Variants in CNOT2 observed in about 807,000 individuals in gnomAD.
The protein encoded by CNOT2 is CC chemokine receptor 4-negative regulator of transcription 2.
CNOT2 carries 7 observed loss-of-function variants against 72.1 expected under a neutral mutation model. The observed-to-expected ratio is 0.10, with a 90% CI of 0.06 to 0.18. The LOEUF (loss-of-function observed/expected upper bound fraction) is 0.18, where lower values mean the gene tolerates loss of function less well. Ranked by LOEUF, CNOT2 falls within the 10% of genes least tolerant of loss-of-function variation. CNOT2 has a pLI of 1.00. For synonymous variants in CNOT2, 196 were observed against 225.6 expected (o/e 0.87, Z 1.17); for missense variants, 345 against 660.3 (o/e 0.52, Z 5.23).
intron 7 of CNOT2, 71 bp from the exon 8 acceptor site, chr12:70,335,367 A>T: frequency 8.8e-7 from 1 of 1,133,918 alleles, no homozygotes; most frequent in East Asian, 2.4e-5. Flanking sequence ...GAATTATATT[A>T]TGGTTGGTTT....
chr12:70,337,579 CAATT>C, intron 9 of CNOT2, 66 bp downstream of exon 9: 1 of 1,430,668 alleles, frequency 7.0e-7, no homozygotes, highest in Admixed American at 1.7e-5. Flanking sequence ...CTTATATTAA[CAATT>C]ACTTACTAAA....
At chr12:70,292,854 G>A (rs1340398507) in intron 2 of CNOT2, among the ~76,000 whole-genome samples, 1 of 152,210 alleles carries the variant, frequency 6.6e-6, no homozygotes, top group African/African-American at 2.4e-5. Context: ...AGTGTACATG[G>A]TGAGATGTTT....
intron 1 of CNOT2, among the ~76,000 whole-genome samples, chr12:70,248,211 T>G (rs1431215763): frequency 2.0e-5 from 3 of 152,172 alleles, no homozygotes; most frequent in Non-Finnish European, 4.4e-5. Flanking sequence ...GAAGATAGAT[T>G]CTGTTTTTCT....
At chr12:70,344,728 A>C (rs921889040) in intron 14 of CNOT2, 2 of 152,214 alleles carry the variant, frequency 1.3e-5, no homozygotes, top group African/African-American at 4.8e-5. Flanking sequence ...CCCTGTCTCT[A>C]AAAATAACTA....
chr12:70,352,738 A>G (rs1883022321), intron 15 of CNOT2, among the ~76,000 whole-genome samples: 1 of 152,098 alleles, frequency 6.6e-6, no homozygotes, highest in Non-Finnish European at 1.5e-5. Flanking sequence ...GGGGTTGCAG[A>G]GGTATTTGTT....
At position 70,259,839 on chromosome 12, in the gene CNOT2, T is replaced by C. The variant is rs146275501; in HGVS notation, c.-96+16359T>C. Among the ~76,000 whole-genome samples the C allele has an allele frequency of 1.8e-3, 274 of 152,344 alleles. 1 individual carries two copies. The highest frequency in any genetic ancestry group is 6.4e-3 in the African/African-American group (265 of 41,568). On this transcript the variant is annotated intron_variant, in intron 1 of 15. Transcript: ENST00000229195. ...ACCTCTTCTAGATTTTGTATGTTGC[T>C]AGACTTAAATTTGTGTATAGAGTAT...
intron 2 of CNOT2, among the ~76,000 whole-genome samples, chr12:70,281,616 C>T (rs1486165901): frequency 2.6e-5 from 4 of 152,178 alleles, no homozygotes; most frequent in Admixed American, 2.0e-4. Flanking sequence ...CACCTTTGTT[C>T]ACATGATTCA....
chr12:70,265,799 T>C (rs1407175012), intron 1 of CNOT2, among the ~76,000 whole-genome samples: 1 of 152,026 alleles, frequency 6.6e-6, no homozygotes, highest in African/African-American at 2.4e-5. Context: ...GGTTACATCC[T>C]ACAGATTGTA....
chr12:70,344,858 C>T (rs1003734313), intron 14 of CNOT2: 3 of 152,112 alleles, frequency 2.0e-5, no homozygotes, highest in Admixed American at 6.5e-5. Context: ...CCTTGTGGAA[C>T]CATATGTATA....
At chr12:70,247,110 T>A (rs1412243225) in intron 1 of CNOT2, among the ~76,000 whole-genome samples, 3 of 152,234 alleles carry the variant, frequency 2.0e-5, no homozygotes, top group African/African-American at 7.2e-5. Context: ...CTTAGATATA[T>A]AGTTAGATAT....
At chr12:70,254,569 T>A (rs1348687390) in intron 1 of CNOT2, among the ~76,000 whole-genome samples, 1 of 152,214 alleles carries the variant, frequency 6.6e-6, no homozygotes, top group African/African-American at 2.4e-5. Context: ...AAACCGCGGA[T>A]AAGGGGAGAA....
intron 2 of CNOT2, among the ~76,000 whole-genome samples, chr12:70,298,155 C>T (rs1009562192): frequency 1.3e-5 from 2 of 152,176 alleles, no homozygotes; most frequent in Non-Finnish European, 2.9e-5. Flanking sequence ...GCTTTTGTCT[C>T]ACATGTCTAT....
chr12:70,301,137 T>C (rs1227025068), intron 2 of CNOT2, among the ~76,000 whole-genome samples: 12 of 152,176 alleles, frequency 7.9e-5, no homozygotes. Flanking sequence ...TGCTGGAGTT[T>C]TCTAGATATA....
chr12:70,319,017 G>T (rs1175230504), intron 3 of CNOT2: 1 of 236,996 alleles, frequency 4.2e-6, no homozygotes, highest in Non-Finnish European at 8.1e-6. Flanking sequence ...TTTTTAACTT[G>T]CTAAGTGAAA....
In CNOT2 at chr12:70,344,246, T is replaced by C. The variant is rs568566355; in HGVS notation, c.1391+18T>C. 44 of 1,489,672 alleles carry C rather than the reference T, an allele frequency of 3.0e-5. No individual in the cohort carries two copies. The highest frequency in any genetic ancestry group is 1.0e-4 in the Admixed American group (6 of 59,562). The allele number at this position is 1,489,672 out of a possible 1,614,324, so 92.3% of individuals were successfully genotyped here. A position where few individuals can be genotyped will look rare whatever the true frequency, so the allele number is the denominator to read the frequency against. ...GTGGAGCTGTATGTTCAAAGTATTTTAATCACTTTTGTATTATAGTGGATC... is the reference window on the plus strand; with the variant it reads ...GTGGAGCTGTATGTTCAAAGTATTTCAATCACTTTTGTATTATAGTGGATC... On this transcript the variant is annotated intron_variant, in intron 14 of 15. Coordinates refer to ENST00000229195, the MANE Select transcript of CNOT2 (RefSeq NM_014515.7).
At chr12:70,344,057 G>T in intron 13 of CNOT2, 71 bp from the exon 14 acceptor site, 2 of 947,602 alleles carry the variant, frequency 2.1e-6, no homozygotes, top group Admixed American at 2.4e-5. Context: ...TTTTTCTTTA[G>T]TAGTAGCAAC....
intron 1 of CNOT2, among the ~76,000 whole-genome samples, chr12:70,258,936 G>A (rs1958595865): frequency 6.6e-6 from 1 of 152,178 alleles, no homozygotes; most frequent in South Asian, 2.1e-4. Flanking sequence ...AGTGGGAAAG[G>A]AAGAGAATGG....
chr12:70,280,774 G>A (rs1869677573), intron 2 of CNOT2, among the ~76,000 whole-genome samples: 2 of 152,108 alleles, frequency 1.3e-5, no homozygotes, highest in South Asian at 4.1e-4. Context: ...GATTTTTATG[G>A]TGGTATCTAC....
intron 4 of CNOT2, among the ~76,000 whole-genome samples, chr12:70,319,769 A>G (rs978084941): frequency 9.9e-5 from 15 of 151,514 alleles, no homozygotes; most frequent in African/African-American, 3.6e-4. Flanking sequence ...AAGTAAACTC[A>G]TTACTTAGCA....
Sources: allele counts gnomAD v4.1 joint callset (sites outside exome capture counted in the v4.1 genomes callset), GRCh38; gene constraint gnomAD v4.1.1; transcripts MANE v1.5; gene names NCBI Gene and HGNC (gene_info 2026-07-23, HGNC 2026-07-21).